Variants in SPTLC1 observed in about 807,000 individuals in gnomAD.
SPTLC1 encodes serine palmitoyltransferase long chain base subunit 1.
Under a neutral mutation model 68.9 loss-of-function variants are expected in SPTLC1, and 55 were observed. The observed-to-expected ratio is 0.80, with a 90% CI of 0.64 to 1.00. The LOEUF is 1.00. Among genes scored for constraint, SPTLC1 ranks in the 50% least tolerant of loss-of-function variants. SPTLC1 has a pLI of 0.00. For synonymous variants in SPTLC1, 197 were observed against 201.6 expected (o/e 0.98, Z 0.19); for missense variants, 449 against 573.1 (o/e 0.78, Z 2.21).
intron 4 of SPTLC1, 111 bp downstream of exon 4, chr9:92,080,759 T>G: frequency 1.1e-6 from 1 of 871,486 alleles, no homozygotes; most frequent in Non-Finnish European, 1.9e-6. Context: ...AGGCTGGTCT[T>G]AAACTCCTGA....
At chr9:92,045,882 G>T in intron 12 of SPTLC1, 117 bp downstream of exon 12, 1 of 835,580 alleles carries the variant, frequency 1.2e-6, no homozygotes, top group Non-Finnish European at 2.0e-6. Context: ...CTAAGTTTTT[G>T]GTTTCTTAGC....
intron 7 of SPTLC1, among the ~76,000 whole-genome samples, chr9:92,056,418 G>A (rs1180941841): frequency 1.3e-5 from 2 of 152,104 alleles, no homozygotes; most frequent in African/African-American, 4.8e-5. Context: ...TAGTAGAGAT[G>A]GGGTTTCACC....
chr9:92,053,084 T>G (rs186150756), intron 8 of SPTLC1, among the ~76,000 whole-genome samples: 1 of 148,944 alleles, frequency 6.7e-6, no homozygotes, highest in East Asian at 2.0e-4. Flanking sequence ...AGCACCTGAA[T>G]AGATATGTCT....
At chr9:92,069,956 G>C (rs898120081) in intron 5 of SPTLC1, among the ~76,000 whole-genome samples, 2 of 152,196 alleles carry the variant, frequency 1.3e-5, no homozygotes, top group African/African-American at 4.8e-5. Flanking sequence ...TGAATGATGA[G>C]AATGTAAAAC....
intron 3 of SPTLC1, chr9:92,104,695 G>A: frequency 6.5e-7 from 1 of 1,528,328 alleles, no homozygotes. Flanking sequence ...TGAAAGACCA[G>A]GTAGAGACCC....
At chr9:92,106,120 C>A (rs1835972742) in intron 3 of SPTLC1, among the ~76,000 whole-genome samples, 1 of 151,938 alleles carries the variant, frequency 6.6e-6, no homozygotes, top group Non-Finnish European at 1.5e-5. Context: ...TCTGCCCGGC[C>A]CCCTCACCAT....
At chr9:92,050,308 T>G in intron 8 of SPTLC1, 3 of 437,178 alleles carry the variant, frequency 6.9e-6, no homozygotes, top group African/African-American at 2.0e-5. Context: ...GACACGTGTT[T>G]TCCCAGGTGA....
intron 12 of SPTLC1, among the ~76,000 whole-genome samples, chr9:92,042,860 G>T (rs895974619): frequency 6.6e-6 from 1 of 152,172 alleles, no homozygotes; most frequent in African/African-American, 2.4e-5. Flanking sequence ...ACAGATCTAG[G>T]TACAAATGGG....
At chr9:92,103,923 C>T (rs187023419) in intron 3 of SPTLC1, among the ~76,000 whole-genome samples, 312 of 152,342 alleles carry the variant, frequency 2.0e-3, no homozygotes, top group African/African-American at 6.8e-3. Flanking sequence ...GGGGCCCATC[C>T]AGGGCCACAC....
In SPTLC1 at chr9:92,032,294, A is replaced by T. The variant is rs967543247; in HGVS notation, c.*171T>A. On this transcript the variant is annotated 3_prime_UTR_variant, in exon 15 of 15. Coordinates refer to ENST00000262554, the MANE Select transcript of SPTLC1 (RefSeq NM_006415.4). ...TAGATGTGTTTTCTTTTTAAAAAAA[A>T]TAAGCATCCTTCTCATGGTCACACA... 5.9e-6 allele frequency: 9 copies of T among 1,533,822 alleles called. No homozygotes were observed. Among genetic ancestry groups the T allele is most frequent in the Non-Finnish European group, 7.9e-6 (9 of 1,145,740 alleles).
chr9:92,032,449 G>T lies in SPTLC1; in HGVS notation c.*16C>A. Reference sequence around the variant, plus strand: ...TGCGTGTTGTGTGGCAGGAGGCCATGGTCCCGGGACTCTGCCTAGAGCAGG... The same window carrying T: ...TGCGTGTTGTGTGGCAGGAGGCCATTGTCCCGGGACTCTGCCTAGAGCAGG... On this transcript the variant is annotated 3_prime_UTR_variant, in exon 15 of 15. Transcript: ENST00000262554. The T allele has an allele frequency of 6.2e-7, 1 of 1,614,160 alleles. No homozygotes were observed. Among genetic ancestry groups the T allele is most frequent in the Non-Finnish European group, 8.5e-7 (1 of 1,180,040 alleles).
At chr9:92,094,198 G>A (rs941115988) in intron 3 of SPTLC1, among the ~76,000 whole-genome samples, 48 of 152,278 alleles carry the variant, frequency 3.2e-4, no homozygotes, top group African/African-American at 1.0e-3. Flanking sequence ...TTGGTTCAAC[G>A]AAAGATACCA....
intron 1 of SPTLC1, among the ~76,000 whole-genome samples, chr9:92,113,463 C>A (rs537459866): frequency 6.6e-6 from 1 of 152,362 alleles, no homozygotes; most frequent in Admixed American, 6.5e-5. Flanking sequence ...AACACCACTT[C>A]TTTTCCTTCC....
chr9:92,077,235 C>T (rs1834713635), intron 5 of SPTLC1, among the ~76,000 whole-genome samples: 1 of 152,104 alleles, frequency 6.6e-6, no homozygotes, highest in Admixed American at 6.5e-5. Flanking sequence ...TTATTTCAGA[C>T]ACCACCCCTC....
chr9:92,037,796 A>G (rs1265540150), intron 13 of SPTLC1, among the ~76,000 whole-genome samples: 1 of 152,228 alleles, frequency 6.6e-6, no homozygotes, highest in African/African-American at 2.4e-5. Flanking sequence ...TCCTGACTTC[A>G]GGGTGACTGT....
At chr9:92,076,156 G>A (rs981780397) in intron 5 of SPTLC1, among the ~76,000 whole-genome samples, 4 of 152,086 alleles carry the variant, frequency 2.6e-5, no homozygotes, top group Admixed American at 6.5e-5. Flanking sequence ...CTCTAAATAC[G>A]CCCTTCACAT....
intron 7 of SPTLC1, 92 bp from the exon 8 acceptor site, chr9:92,055,586 T>G: frequency 7.9e-7 from 1 of 1,263,910 alleles, no homozygotes. Flanking sequence ...CTTACAAGAT[T>G]TATTCCTAAA....
intron 12 of SPTLC1, among the ~76,000 whole-genome samples, chr9:92,044,479 G>A (rs16908113): frequency 0.11 from 16,406 of 152,186 alleles, 1,909 homozygotes; most frequent in African/African-American, 0.3. Flanking sequence ...CAGTCCAGGC[G>A]AAGGGCAGTA....
intron 6 of SPTLC1, among the ~76,000 whole-genome samples, chr9:92,060,716 C>G (rs921243469): frequency 2.7e-5 from 4 of 148,204 alleles, no homozygotes; most frequent in African/African-American, 1.0e-4. Context: ...ACCATCCTGG[C>G]TAACATGGTG....
Sources: allele counts gnomAD v4.1 joint callset (sites outside exome capture counted in the v4.1 genomes callset), GRCh38; gene constraint gnomAD v4.1.1; transcripts MANE v1.5; gene names NCBI Gene and HGNC (gene_info 2026-07-23, HGNC 2026-07-21).